PTDSS2: variants seen among roughly 807,000 people sequenced by gnomAD.
The protein encoded by PTDSS2 is phosphatidylserine synthase 2, also known as PSS-2.
PTDSS2 carries 41 observed loss-of-function variants against 64.7 expected under a neutral mutation model. The observed-to-expected ratio is 0.63, with a 90% CI of 0.49 to 0.82. The LOEUF (loss-of-function observed/expected upper bound fraction) is 0.82. Among genes scored for constraint, PTDSS2 ranks in the 40% least tolerant of loss-of-function variants. The probability of loss-of-function intolerance (pLI) is 0.00; values close to 1 mark genes in which losing one functional copy is unlikely to be tolerated. For missense variants in PTDSS2, 485 were observed against 650.0 expected, an observed-to-expected ratio of 0.75 and a Z score of 2.76; for synonymous variants, 297 against 277.8, an observed-to-expected ratio of 1.07 and a Z score of -0.69.
chr11:465,763 C>CA (rs1554950081), intron 2 of PTDSS2, among the ~76,000 whole-genome samples: 11 of 150,772 alleles, frequency 7.3e-5, no homozygotes, highest in Admixed American at 2.0e-4. Flanking sequence ...ACCCCCCCCC[C>CA]ATCTCTACTA....
At chr11:459,764 G>A (rs774585299) in intron 1 of PTDSS2, 2 of 187,624 alleles carry the variant, frequency 1.1e-5, no homozygotes, top group Non-Finnish European at 2.2e-5. Flanking sequence ...TCAGCTCTTG[G>A]TGTCTTGGGC....
In PTDSS2 at chr11:488,188, G is replaced by A. The variant is rs1848489492; in HGVS notation, c.622-11G>A. On this transcript the variant is annotated splice_polypyrimidine_tract_variant and intron_variant, in intron 6 of 11. Transcript: ENST00000308020. ...GGCGTCCCATACTCTGGCTGACCCTGGCGCCCACAGACCCTGATGATCCGA... is the reference window on the plus strand; with the variant it reads ...GGCGTCCCATACTCTGGCTGACCCTAGCGCCCACAGACCCTGATGATCCGA... 1 of 1,602,306 alleles carries A rather than the reference G, an allele frequency of 6.2e-7. No homozygotes were observed. Among genetic ancestry groups the A allele is most frequent in the South Asian group, 1.1e-5 (1 of 90,842 alleles).
chr11:471,721 GGATGGCGGCCTGGGGTGACGCA>G (rs1847451755), intron 2 of PTDSS2, among the ~76,000 whole-genome samples: 2 of 149,738 alleles, frequency 1.3e-5, no homozygotes, highest in African/African-American at 5.0e-5. Context: ...GGGGTGACGT[GGATGGCGGCCTGGGGTGACGCA>G]GATGGTGGCC....
Position 450,397 on chromosome 11 carries a change from G to T in PTDSS2, c.-59G>T. ...GCTGTGTGCGGCGCGTCCTCTCGCC[G>T]GTGACCCGGTGTGCGTGGGGTCGAG... On this transcript the variant is annotated 5_prime_UTR_variant, in exon 1 of 12. Coordinates refer to ENST00000308020, the MANE Select transcript of PTDSS2 (RefSeq NM_030783.3). The T allele has an allele frequency of 1.7e-6, 2 of 1,205,580 alleles. No homozygotes were observed. Among genetic ancestry groups the T allele is most frequent in the South Asian group, 8.4e-5 (2 of 23,836 alleles). 74.7% of individuals were successfully genotyped at this position (1,205,580 alleles called of 1,614,324 possible).
chr11:482,900 GA>G (rs1848135691), intron 4 of PTDSS2, among the ~76,000 whole-genome samples: 1 of 136,246 alleles, frequency 7.3e-6, no homozygotes, highest in Non-Finnish European at 1.6e-5. Context: ...AAAGTTCTGT[GA>G]GTTTTTCGTA....
chr11:448,620 C>G (rs770954500), upstream of PTDSS2, among the ~76,000 whole-genome samples: 55 of 152,212 alleles, frequency 3.6e-4, no homozygotes, highest in Non-Finnish European at 6.5e-4. Context: ...CAGCACGCCC[C>G]CTGGAGCCAG....
Position 476,989 on chromosome 11 carries a change from GTGA to G in PTDSS2, c.368-2092_368-2090del, listed in dbSNP as rs1243978851. ...AGTCACAACACATTGAAGTGGACAAGTGATGAGTCCTGTGCAGCGGAGGCTCTG... is the reference window on the plus strand; with the variant it reads ...AGTCACAACACATTGAAGTGGACAAGTGAGTCCTGTGCAGCGGAGGCTCTG... On this transcript the variant is annotated intron_variant, in intron 3 of 11. Coordinates refer to ENST00000308020, the MANE Select transcript of PTDSS2 (RefSeq NM_030783.3). This position sits in a 1 kb window ranked among gnomAD's most constrained non-coding sequence, Gnocchi z 4.9. Among the ~76,000 whole-genome samples, 2 of 152,168 alleles carry G rather than the reference GTGA, an allele frequency of 1.3e-5. No individual in the cohort carries two copies. The highest frequency in any genetic ancestry group is 1.3e-4 in the Admixed American group (2 of 15,280).
At position 486,898 on chromosome 11, in the gene PTDSS2, C is replaced by A. The variant is rs544884334; in HGVS notation, c.436-41C>A. The A allele has an allele frequency of 3.2e-5, 50 of 1,555,798 alleles. 1 individual carries two copies. In the South Asian group the frequency reaches 5.9e-4, roughly 18 times the overall value. ...ATGATCTCCCGTTTCAAGTTGCCACCACTAACTGTAGCCCCGCTGACGGGG... is the reference window on the plus strand; with the variant it reads ...ATGATCTCCCGTTTCAAGTTGCCACAACTAACTGTAGCCCCGCTGACGGGG... On this transcript the variant is annotated intron_variant, in intron 4 of 11. Coordinates refer to ENST00000308020, the MANE Select transcript of PTDSS2 (RefSeq NM_030783.3).
Position 491,150 on chromosome 11 carries a change from C to T in PTDSS2, c.*568C>T, listed in dbSNP as rs140330954. ...TGTGGGCGCTCGTCCACAAACACTC[C>T]GTGGCTGAGAGGCAGCGGATCCAGG... On this transcript the variant is annotated 3_prime_UTR_variant, in exon 12 of 12. Transcript: ENST00000308020. The T allele has an allele frequency of 2.6e-3, 410 of 155,666 alleles. 1 individual carries two copies. Among genetic ancestry groups the T allele is most frequent in the Middle Eastern group, 0.01 (3 of 294 alleles). The allele number at this position is 155,666 out of a possible 1,614,324, so 9.6% of individuals were successfully genotyped here. A position where few individuals can be genotyped will look rare whatever the true frequency, so the allele number is the denominator to read the frequency against.
rs1029900981 is a variant in PTDSS2 at position 461,690 on chromosome 11, G to A, written c.284+1402G>A. ...CTTGCTCCCAGGCCTGGCCTGGCCA[G>A]TGCCTCCCGTGCTCCAGGCCCAGCT... On this transcript the variant is annotated intron_variant, in intron 2 of 11. Transcript: ENST00000308020. This position sits in a 1 kb window ranked among gnomAD's most constrained non-coding sequence, Gnocchi z 4.2. 1.3e-5 allele frequency among the ~76,000 whole-genome samples: 2 copies of A among 152,186 alleles called. No homozygotes were observed. Among genetic ancestry groups the A allele is most frequent in the Admixed American group, 6.5e-5 (1 of 15,282 alleles).
rs1382545946 is a variant in PTDSS2 at position 462,487 on chromosome 11, C to T, written c.284+2199C>T. 6.6e-6 allele frequency among the ~76,000 whole-genome samples: 1 copy of T among 152,224 alleles called. No homozygotes were observed. Among genetic ancestry groups the T allele is most frequent in the Non-Finnish European group, 1.5e-5 (1 of 68,044 alleles). ...ACTCACATTCTCTTTCCCCCTCACC[C>T]TCTTTGAGGGCACAAAAGAAGCCAC... On this transcript the variant is annotated intron_variant, in intron 2 of 11. Transcript: ENST00000308020. This position sits in a 1 kb window ranked among gnomAD's most constrained non-coding sequence, Gnocchi z 4.5.
At chr11:485,322 T>TA (rs1340020139) in intron 4 of PTDSS2, among the ~76,000 whole-genome samples, 15 of 114,688 alleles carry the variant, frequency 1.3e-4, no homozygotes, top group South Asian at 6.1e-4. Flanking sequence ...CAGGCGAGTG[T>TA]AAGTGCACGA....
intron 1 of PTDSS2, among the ~76,000 whole-genome samples, chr11:457,738 C>T (rs1411535012): frequency 2.0e-5 from 3 of 152,184 alleles, no homozygotes; most frequent in Non-Finnish European, 2.9e-5. Flanking sequence ...CTGTCTCAGG[C>T]CCACGTTTGG....
rs1846943753 is a variant in PTDSS2 at position 462,634 on chromosome 11, G to A, written c.284+2346G>A. Among the ~76,000 whole-genome samples, 1 of 152,080 alleles carries A rather than the reference G, an allele frequency of 6.6e-6. No homozygotes were observed. On this transcript the variant is annotated intron_variant, in intron 2 of 11. Coordinates refer to ENST00000308020, the MANE Select transcript of PTDSS2 (RefSeq NM_030783.3). This position sits in a 1 kb window ranked among gnomAD's most constrained non-coding sequence, Gnocchi z 4.5. The stretch of plus-strand genomic sequence containing the variant: ...TGGCTCCTTCCAGTGAAATTGCCGT[G>A]GTGCACCTGTCCTGAGTCCATTCTC...
Position 450,467 on chromosome 11 carries a change from C to A in PTDSS2, c.12C>A (p.Gly4=), listed in dbSNP as rs1846263551. ...CGGGCCGAAACGCCATGCGGAGGGG[C>A]GAGCGCAGGGACGCCGGAGGTCCGC... is the stretch of plus-strand genomic sequence containing the variant. The part of the protein sequence containing the change: MRR[G]ERRDAGGPRP... The change falls in exon 1 of 12, where the codon GGC becomes GGA. Residue 4 remains glycine, a synonymous_variant. Coordinates refer to ENST00000308020, the MANE Select transcript of PTDSS2 (RefSeq NM_030783.3). 1 of 1,230,006 alleles carries A rather than the reference C, an allele frequency of 8.1e-7. No homozygotes were observed. The allele number at this position is 1,230,006 out of a possible 1,614,324, so 76.2% of individuals were successfully genotyped here. A position where few individuals can be genotyped will look rare whatever the true frequency, so the allele number is the denominator to read the frequency against.
chr11:458,350 G>A (rs1313178314), intron 1 of PTDSS2, among the ~76,000 whole-genome samples: 2 of 151,230 alleles, frequency 1.3e-5, no homozygotes, highest in Admixed American at 6.6e-5. Flanking sequence ...GACTACAGGC[G>A]CCCACCCACC....
chr11:473,597 C>T (rs1228669400), intron 2 of PTDSS2, among the ~76,000 whole-genome samples: 1 of 152,158 alleles, frequency 6.6e-6, no homozygotes, highest in Non-Finnish European at 1.5e-5. Flanking sequence ...GTAGCTGGGC[C>T]TTCCCTGCCG....
In PTDSS2 at chr11:464,718, G is replaced by T. The variant is rs142652568; in HGVS notation, c.284+4430G>T. On this transcript the variant is annotated intron_variant, in intron 2 of 11. Transcript: ENST00000308020. ...ATCTGCCTGTATGGGGGTGACCCTG[G>T]GGGAGAGTCCAGCTTTCCTCACCAG... Among the ~76,000 whole-genome samples the T allele has an allele frequency of 1.5e-3, 224 of 152,310 alleles. 1 individual carries two copies. Among genetic ancestry groups the T allele is most frequent in the African/African-American group, 5.2e-3 (217 of 41,562 alleles).
intron 4 of PTDSS2, 45 bp from the exon 5 acceptor site, chr11:486,894 C>T: frequency 6.5e-7 from 1 of 1,548,284 alleles, no homozygotes; most frequent in Non-Finnish European, 8.7e-7. Flanking sequence ...TTTCAAGTTG[C>T]CACCACTAAC....
Sources: gnomAD v4.1 joint callset for allele counts (sites outside exome capture counted in the v4.1 genomes callset) on GRCh38, gnomAD v4.1.1 for gene constraint, Gnocchi (gnomAD v3.1) non-coding constraint, MANE v1.5 for transcripts, NCBI Gene and HGNC (gene_info 2026-07-23, HGNC 2026-07-21) for gene names.